NCOR1: variants seen among roughly 807,000 people sequenced by gnomAD.
NCOR1 encodes protein phosphatase 1, regulatory subunit 109.
Under a neutral mutation model 288.1 loss-of-function variants are expected in NCOR1, and 63 were observed. The ratio of observed to expected loss-of-function variants is 0.22; its 90% confidence interval spans 0.18 to 0.27. The LOEUF is 0.27. Among genes scored for constraint, NCOR1 ranks in the 10% least tolerant of loss-of-function variants. NCOR1 has a pLI of 1.00. For synonymous variants in NCOR1, 1,007 were observed against 1,065.9 expected, an observed-to-expected ratio of 0.94 and a Z score of 1.08; for missense variants, 2,397 against 3,019.2, an observed-to-expected ratio of 0.79 and a Z score of 4.83.
chr17:16,043,818 T>C (rs1392470961), intron 42 of NCOR1, among the ~76,000 whole-genome samples: 1 of 152,208 alleles, frequency 6.6e-6, no homozygotes, highest in Non-Finnish European at 1.5e-5. Context: ...CTTGAGGAGC[T>C]GTAAATAATA....
intron 10 of NCOR1, among the ~76,000 whole-genome samples, chr17:16,144,001 GC>G (rs2077505447): frequency 6.6e-6 from 1 of 152,130 alleles, no homozygotes; most frequent in Non-Finnish European, 1.5e-5. Context: ...TTCTTTGTAT[GC>G]CCTGTAGTAG....
intron 1 of NCOR1, among the ~76,000 whole-genome samples, chr17:16,211,612 G>A (rs1313410224): frequency 6.6e-6 from 1 of 152,098 alleles, no homozygotes; most frequent in Non-Finnish European, 1.5e-5. Flanking sequence ...TACGGAAGAA[G>A]CAAACTGTCT....
intron 2 of NCOR1, among the ~76,000 whole-genome samples, chr17:16,188,311 C>T (rs75998217): frequency 6.6e-6 from 1 of 151,740 alleles, no homozygotes; most frequent in Non-Finnish European, 1.5e-5. Context: ...CATAAAAAAA[C>T]CATTTAAAAA....
chr17:16,089,962 T>G (rs2064914416), intron 22 of NCOR1, among the ~76,000 whole-genome samples: 2 of 152,128 alleles, frequency 1.3e-5, no homozygotes, highest in African/African-American at 4.8e-5. Flanking sequence ...TGTAAAATTC[T>G]TAATGTCATA....
chr17:16,117,659 C>T (rs908369792), intron 18 of NCOR1, among the ~76,000 whole-genome samples: 6 of 151,996 alleles, frequency 3.9e-5, no homozygotes, highest in African/African-American at 1.4e-4. Context: ...ACTGTCTCTA[C>T]TAAAACTACA....
At chr17:16,209,960 T>A (rs1374928255) in intron 1 of NCOR1, among the ~76,000 whole-genome samples, 3 of 151,422 alleles carry the variant, frequency 2.0e-5, no homozygotes, top group South Asian at 2.1e-4. Context: ...AAAAAAAAAA[T>A]GTTCATGTTT....
At chr17:16,110,946 T>A (rs1052554186) in intron 18 of NCOR1, among the ~76,000 whole-genome samples, 1 of 152,244 alleles carries the variant, frequency 6.6e-6, no homozygotes, top group Non-Finnish European at 1.5e-5. Flanking sequence ...TCTGTAAATT[T>A]TCAAGGATAA....
intron 1 of NCOR1, among the ~76,000 whole-genome samples, chr17:16,203,263 A>G (rs946528018): frequency 3.3e-5 from 5 of 152,172 alleles, no homozygotes; most frequent in African/African-American, 9.7e-5. Context: ...CACCGCAAAT[A>G]AAGTCTCAAG....
At chr17:16,135,991 G>C (rs1166810448) in intron 14 of NCOR1, among the ~76,000 whole-genome samples, 1 of 152,140 alleles carries the variant, frequency 6.6e-6, no homozygotes, top group African/African-American at 2.4e-5. Context: ...TATCTATCCG[G>C]GTGTAGACAG....
intron 37 of NCOR1, 144 bp downstream of exon 37, chr17:16,061,256 TA>T: frequency 1.9e-6 from 2 of 1,036,338 alleles, no homozygotes; most frequent in Non-Finnish European, 2.8e-6. Flanking sequence ...TAAATAATCA[TA>T]AAAACAGCAG....
intron 16 of NCOR1, 149 bp downstream of exon 16, chr17:16,120,903 T>G (rs1047041856): frequency 5.9e-6 from 4 of 681,430 alleles, no homozygotes; most frequent in Non-Finnish European, 6.8e-6. Context: ...TTCAAAAAAC[T>G]TTGACATTAA....
chr17:16,097,758 C>A (rs571382369), intron 21 of NCOR1, among the ~76,000 whole-genome samples: 1 of 152,130 alleles, frequency 6.6e-6, no homozygotes, highest in East Asian at 1.9e-4. Flanking sequence ...TGGAACCTGA[C>A]GAGGAGAGTC....
intron 42 of NCOR1, among the ~76,000 whole-genome samples, chr17:16,044,106 T>C (rs1051593511): frequency 1.6e-4 from 23 of 147,894 alleles, no homozygotes; most frequent in African/African-American, 5.5e-4. Flanking sequence ...GAGGCGGAGG[T>C]TGCGGTGAGC....
intron 37 of NCOR1, among the ~76,000 whole-genome samples, chr17:16,059,758 C>G (rs180757863): frequency 6.6e-6 from 1 of 152,264 alleles, no homozygotes. Context: ...ACAGATGCAG[C>G]AGGTGGGAAT....
chr17:16,069,424 C>T (rs928117554), intron 31 of NCOR1, among the ~76,000 whole-genome samples: 6 of 152,126 alleles, frequency 3.9e-5, no homozygotes, highest in South Asian at 2.1e-4. Flanking sequence ...CAGCCCAGGA[C>T]GTACCATGTG....
chr17:16,116,152 G>A (rs1199874388), intron 18 of NCOR1, among the ~76,000 whole-genome samples: 5 of 152,110 alleles, frequency 3.3e-5, no homozygotes, highest in Admixed American at 6.5e-5. Flanking sequence ...TCACTATCAC[G>A]AGAATAGCAT....
chr17:16,116,418 T>C (rs1161844172), intron 18 of NCOR1, among the ~76,000 whole-genome samples: 1 of 152,226 alleles, frequency 6.6e-6, no homozygotes, highest in Non-Finnish European at 1.5e-5. Flanking sequence ...AAATCTGTAA[T>C]GAGAAGGTGT....
At chr17:16,161,230 GACACACACACAC>G (rs67635232) in intron 5 of NCOR1, among the ~76,000 whole-genome samples, 3,826 of 142,952 alleles carry the variant, frequency 0.027, 98 homozygotes, top group African/African-American at 0.062. Context: ...AACACACACA[GACACACACACAC>G]ACACACACAC....
At chr17:16,151,700 G>C in intron 8 of NCOR1, 1 of 1,236,368 alleles carries the variant, frequency 8.1e-7, no homozygotes, top group Non-Finnish European at 1.1e-6. Context: ...TTTTTTACTA[G>C]CAGATTATAA....
Sources: allele counts gnomAD v4.1 joint callset (sites outside exome capture counted in the v4.1 genomes callset), GRCh38; gene constraint gnomAD v4.1.1; transcripts MANE v1.5; gene names NCBI Gene and HGNC (gene_info 2026-07-23, HGNC 2026-07-21).